Variants in DENND1A observed in about 807,000 individuals in gnomAD.
DENND1A encodes the protein DENN domain containing 1A.
A neutral mutation model predicts 113.7 loss-of-function variants in DENND1A; 51 were observed. That is an observed-to-expected ratio of 0.45 (90% confidence interval 0.36 to 0.57). DENND1A has a LOEUF of 0.57. Among genes scored for constraint, DENND1A ranks in the 20% least tolerant of loss-of-function variants. The pLI, the probability that DENND1A is intolerant of heterozygous loss-of-function variation, is 0.00. For synonymous variants in DENND1A, 565 were observed against 570.8 expected, an observed-to-expected ratio of 0.99 and a Z score of 0.14; for missense variants, 1,258 against 1,395.9, an observed-to-expected ratio of 0.90 and a Z score of 1.57.
intron 1 of DENND1A, among the ~76,000 whole-genome samples, chr9:123,895,476 G>T (rs1430173214): frequency 6.6e-6 from 1 of 151,878 alleles, no homozygotes; most frequent in Non-Finnish European, 1.5e-5. Flanking sequence ...TAAAAAATTA[G>T]CCAGGCATAG....
intron 2 of DENND1A, among the ~76,000 whole-genome samples, chr9:123,854,551 C>T (rs1483265432): frequency 1.3e-5 from 2 of 151,666 alleles, no homozygotes; most frequent in Non-Finnish European, 2.9e-5. Flanking sequence ...AAAAATTAGC[C>T]GGGTATGGTG....
At chr9:123,827,896 A>T (rs1318876243) in intron 2 of DENND1A, among the ~76,000 whole-genome samples, 1 of 152,224 alleles carries the variant, frequency 6.6e-6, no homozygotes, top group African/African-American at 2.4e-5. Flanking sequence ...TTAAAAAACA[A>T]AATTAATATA....
intron 5 of DENND1A, among the ~76,000 whole-genome samples, chr9:123,738,149 T>G (rs2068708594): frequency 6.6e-6 from 1 of 152,206 alleles, no homozygotes; most frequent in Non-Finnish European, 1.5e-5. Context: ...AAAATGAAAT[T>G]AAATGTAAAA....
intron 1 of DENND1A, among the ~76,000 whole-genome samples, chr9:123,893,237 A>G (rs961876450): frequency 7.2e-5 from 11 of 152,250 alleles, no homozygotes; most frequent in South Asian, 2.1e-4. Context: ...TCAAACATTT[A>G]GTAAGTGAGA....
intron 5 of DENND1A, among the ~76,000 whole-genome samples, chr9:123,727,370 C>T (rs1415041084): frequency 6.6e-6 from 1 of 152,204 alleles, no homozygotes; most frequent in Non-Finnish European, 1.5e-5. Context: ...ATGATATTCT[C>T]ATAGGCAAAA....
At chr9:123,390,859 T>C (rs1484510356) in intron 21 of DENND1A, among the ~76,000 whole-genome samples, 1 of 152,244 alleles carries the variant, frequency 6.6e-6, no homozygotes, top group Non-Finnish European at 1.5e-5. Context: ...CCACCTTGGT[T>C]GCCTTTCCGA....
chr9:123,818,402 C>A (rs1338400810), intron 2 of DENND1A, among the ~76,000 whole-genome samples: 1 of 151,968 alleles, frequency 6.6e-6, no homozygotes, highest in Admixed American at 6.6e-5. Flanking sequence ...CCGCACCTGG[C>A]CTATAGTATT....
At chr9:123,831,569 T>C (rs1840215065) in intron 2 of DENND1A, among the ~76,000 whole-genome samples, 1 of 152,202 alleles carries the variant, frequency 6.6e-6, no homozygotes, top group Admixed American at 6.5e-5. Context: ...CAATAATTCA[T>C]TCAGCTGGTA....
intron 2 of DENND1A, among the ~76,000 whole-genome samples, chr9:123,859,413 C>G (rs889120742): frequency 4.0e-5 from 6 of 150,780 alleles, no homozygotes; most frequent in African/African-American, 1.5e-4. Flanking sequence ...ATTATTTTGC[C>G]ATCTAGTGTG....
At chr9:123,597,490 G>A (rs1021891880) in intron 11 of DENND1A, among the ~76,000 whole-genome samples, 7 of 152,088 alleles carry the variant, frequency 4.6e-5, no homozygotes, top group East Asian at 3.8e-4. Context: ...TTAAGATCTA[G>A]GAAAAATACT....
intron 2 of DENND1A, among the ~76,000 whole-genome samples, chr9:123,848,830 G>A (rs1302234538): frequency 6.6e-6 from 1 of 152,176 alleles, no homozygotes; most frequent in African/African-American, 2.4e-5. Context: ...ATACATGAAA[G>A]TTTTAGTGGT....
intron 13 of DENND1A, among the ~76,000 whole-genome samples, chr9:123,462,480 C>T (rs2048606572): frequency 6.6e-6 from 1 of 152,178 alleles, no homozygotes; most frequent in South Asian, 2.1e-4. Flanking sequence ...TGAGACCTCC[C>T]TGGACAGGAG....
chr9:123,771,167 G>T (rs780910946), intron 3 of DENND1A, among the ~76,000 whole-genome samples: 2 of 152,052 alleles, frequency 1.3e-5, no homozygotes, highest in Non-Finnish European at 2.9e-5. Flanking sequence ...TGGCATTCAG[G>T]CATATATATT....
chr9:123,876,821 A>G (rs911806516), intron 2 of DENND1A, among the ~76,000 whole-genome samples: 1 of 152,208 alleles, frequency 6.6e-6, no homozygotes, highest in Non-Finnish European at 1.5e-5. Context: ...CAGAATCAAT[A>G]TAAGTGTCCA....
chr9:123,520,116 C>G (rs1362006819), intron 13 of DENND1A, among the ~76,000 whole-genome samples: 2 of 129,384 alleles, frequency 1.5e-5, no homozygotes, highest in East Asian at 4.6e-4. Flanking sequence ...CCACCGTACT[C>G]TAGCCTGGGA....
chr9:123,532,363 G>C (rs1347789721), intron 13 of DENND1A, among the ~76,000 whole-genome samples: 1 of 152,186 alleles, frequency 6.6e-6, no homozygotes, highest in Non-Finnish European at 1.5e-5. Context: ...TATACCAAAA[G>C]AAAATCCTGG....
chr9:123,758,950 G>A (rs1432589245), intron 4 of DENND1A, among the ~76,000 whole-genome samples: 3 of 151,980 alleles, frequency 2.0e-5, no homozygotes, highest in Non-Finnish European at 4.4e-5. Flanking sequence ...ACAGGTGCCC[G>A]CCACCATGCC....
chr9:123,714,626 C>T (rs2066856808), intron 5 of DENND1A, among the ~76,000 whole-genome samples: 1 of 151,922 alleles, frequency 6.6e-6, no homozygotes, highest in African/African-American at 2.4e-5. Context: ...AAAACAAAAA[C>T]CTACTCTCAG....
chr9:123,703,455 T>C (rs992506070), intron 5 of DENND1A, among the ~76,000 whole-genome samples: 2 of 152,178 alleles, frequency 1.3e-5, no homozygotes, highest in African/African-American at 4.8e-5. Flanking sequence ...ATGTTTTTTA[T>C]ATGCTTCATG....
Sources: gnomAD v4.1 joint callset for allele counts (sites outside exome capture counted in the v4.1 genomes callset) on GRCh38, gnomAD v4.1.1 for gene constraint, MANE v1.5 for transcripts, NCBI Gene and HGNC (gene_info 2026-07-23, HGNC 2026-07-21) for gene names.